Variants in QKI observed in about 807,000 individuals in gnomAD.
QKI encodes QKI, KH domain containing RNA binding, also known as KH domain-containing RNA-binding protein QKI.
Under a neutral mutation model 39.0 loss-of-function variants are expected in QKI, and 10 were observed. The observed-to-expected ratio is 0.26, with a 90% CI of 0.16 to 0.43. The LOEUF (loss-of-function observed/expected upper bound fraction) is 0.43. QKI is among the 20% of genes least tolerant of loss of function. The pLI is 1.00. For synonymous variants in QKI, 204 were observed against 155.4 expected, an observed-to-expected ratio of 1.31 and a Z score of -2.33; for missense variants, 218 against 428.0, an observed-to-expected ratio of 0.51 and a Z score of 4.33.
chr6:163,478,796 GA>G lies in QKI; in HGVS notation c.304del (p.Ile102SerfsTer28). On this transcript the variant is annotated frameshift_variant, in exon 3 of 8. Coordinates refer to ENST00000361752, the MANE Select transcript of QKI (RefSeq NM_006775.3). LOFTEE classifies it high-confidence loss of function. ...KEYPDFNFVG[R>X]ILGPRGLTAK... ...TTTTCTCAGTTTAATTTTGTTGGGA[GA>G]ATCCTTGGACCTAGAGGACTTACAG... is the stretch of plus-strand genomic sequence containing the variant. 1 of 1,600,864 alleles carries G rather than the reference GA, an allele frequency of 6.2e-7. No individual in the cohort carries two copies.
At chr6:163,538,485 C>T (rs1395528978) in intron 4 of QKI, among the ~76,000 whole-genome samples, 7 of 151,980 alleles carry the variant, frequency 4.6e-5, no homozygotes, top group African/African-American at 7.3e-5. Flanking sequence ...CTTAATGAGC[C>T]GGCTGAAGAG....
rs1787317868 is a variant in QKI, at chr6:163,415,095, G to A, written c.-99G>A. On this transcript the variant is annotated 5_prime_UTR_variant, in exon 1 of 8. Coordinates refer to ENST00000361752, the MANE Select transcript of QKI (RefSeq NM_006775.3). ...GAGCCGGCGCGGAGCGGGACGCCGG[G>A]TCCCGAGCGGCCCGCGGCCGGGGCT... The A allele has an allele frequency of 7.9e-6, 8 of 1,015,534 alleles. No homozygotes were observed. The highest frequency in any genetic ancestry group is 8.3e-6 in the Non-Finnish European group (7 of 847,082). The allele number at this position is 1,015,534 out of a possible 1,614,324, so 62.9% of individuals were successfully genotyped here.
In QKI at chr6:163,578,277, T is replaced by C. The variant is rs1777694783; in HGVS notation, c.*7567T>C. On this transcript the variant is annotated 3_prime_UTR_variant, in exon 8 of 8. Coordinates refer to ENST00000361752, the MANE Select transcript of QKI (RefSeq NM_006775.3). Reference sequence around the variant, plus strand: ...TGAAGAGCAAAAGGAGAAGAAAATATTTGCAAGTGAATCCACAATTCTTGC... The same window carrying C: ...TGAAGAGCAAAAGGAGAAGAAAATACTTGCAAGTGAATCCACAATTCTTGC... The C allele has an allele frequency of 1.3e-5, 2 of 152,172 alleles. No individual in the cohort carries two copies. Among genetic ancestry groups the C allele is most frequent in the South Asian group, 2.1e-4 (1 of 4,824 alleles). 9.4% of individuals were successfully genotyped at this position (152,172 alleles called of 1,614,324 possible).
intron 1 of QKI, among the ~76,000 whole-genome samples, chr6:163,443,527 A>G (rs897030580): frequency 6.6e-6 from 1 of 152,246 alleles, no homozygotes; most frequent in Non-Finnish European, 1.5e-5. Flanking sequence ...AGATTGCGCC[A>G]CTACATTCCA....
intron 3 of QKI, among the ~76,000 whole-genome samples, chr6:163,534,063 A>G (rs1188027392): frequency 1.3e-5 from 2 of 152,176 alleles, no homozygotes; most frequent in African/African-American, 2.4e-5. Context: ...TGCCAGGTGC[A>G]TTTATATTTA....
chr6:163,526,311 T>C (rs1309712007), intron 3 of QKI, among the ~76,000 whole-genome samples: 1 of 152,218 alleles, frequency 6.6e-6, no homozygotes, highest in African/African-American at 2.4e-5. Flanking sequence ...TCAGTAAATA[T>C]TCAATTGAGT....
chr6:163,415,786 C>G (rs2128205463), intron 1 of QKI: 1 of 409,758 alleles, frequency 2.4e-6, no homozygotes. Context: ...CCCGAGCCTG[C>G]TCTGCGCGGA....
intron 2 of QKI, among the ~76,000 whole-genome samples, chr6:163,456,061 CTT>C (rs1790885708): frequency 6.6e-6 from 1 of 152,162 alleles, no homozygotes; most frequent in African/African-American, 2.4e-5. Flanking sequence ...CATTGACCCT[CTT>C]TTGGCTTTTA....
chr6:163,450,827 A>G (rs1420937544), intron 1 of QKI, among the ~76,000 whole-genome samples: 2 of 152,190 alleles, frequency 1.3e-5, no homozygotes, highest in Admixed American at 6.5e-5. Flanking sequence ...TGAAAAATGT[A>G]TATGCTAAAT....
chr6:163,560,368 C>G (rs934971506), intron 4 of QKI, among the ~76,000 whole-genome samples: 4 of 152,090 alleles, frequency 2.6e-5, no homozygotes, highest in Non-Finnish European at 5.9e-5. Context: ...ATTTGAGGAC[C>G]TGCTGTCTGT....
rs190159147 is a variant in QKI, at chr6:163,545,797, A to T, written c.546+10672A>T. ...TTTAGGCGTTGCAAATGTAAAAAAAAGGGACCCTGGGCATAGAATAATAGG... is the reference window on the plus strand; with the variant it reads ...TTTAGGCGTTGCAAATGTAAAAAAATGGGACCCTGGGCATAGAATAATAGG... On this transcript the variant is annotated intron_variant, in intron 4 of 7. Transcript: ENST00000361752. Among the ~76,000 whole-genome samples the T allele has an allele frequency of 2.8e-3, 419 of 152,058 alleles. 1 individual carries two copies. The highest frequency in any genetic ancestry group is 4.1e-3 in the Non-Finnish European group (280 of 67,938).
At chr6:163,530,176 C>T (rs989736043) in intron 3 of QKI, among the ~76,000 whole-genome samples, 1 of 152,100 alleles carries the variant, frequency 6.6e-6, no homozygotes, top group African/African-American at 2.4e-5. Flanking sequence ...CAGCTATTAA[C>T]CCCTGAAAGA....
rs1399243174 is a variant in QKI at position 163,535,277 on chromosome 6, A to G, written c.546+152A>G. ...AAAACACCTGACTGATACTTCTAAC[A>G]TAATAAAAACATAAAGTTCGTATTT... On this transcript the variant is annotated intron_variant, in intron 4 of 7. Transcript: ENST00000361752. The G allele has an allele frequency of 2.0e-5, 16 of 797,562 alleles. No individual in the cohort carries two copies. The East Asian group carries it at 2.5e-4, about 12-fold the overall frequency. 49.4% of individuals were successfully genotyped at this position (797,562 alleles called of 1,614,324 possible).
At chr6:163,456,425 C>T (rs1790918042) in intron 2 of QKI, among the ~76,000 whole-genome samples, 1 of 151,932 alleles carries the variant, frequency 6.6e-6, no homozygotes, top group South Asian at 2.1e-4. Context: ...GTTGAATGAA[C>T]CAAGAAAAGA....
intron 1 of QKI, among the ~76,000 whole-genome samples, chr6:163,435,770 A>C (rs1789221117): frequency 6.6e-6 from 1 of 152,174 alleles, no homozygotes; most frequent in Admixed American, 6.5e-5. Flanking sequence ...TGCAATCTTA[A>C]AGGATATAGA....
chr6:163,555,989 C>T (rs952659538), intron 4 of QKI, among the ~76,000 whole-genome samples: 1 of 152,112 alleles, frequency 6.6e-6, no homozygotes, highest in Non-Finnish European at 1.5e-5. Flanking sequence ...GACTTTGAAT[C>T]AGGTATTCTG....
intron 3 of QKI, among the ~76,000 whole-genome samples, chr6:163,520,558 G>A (rs1483193319): frequency 1.3e-5 from 2 of 152,076 alleles, no homozygotes; most frequent in African/African-American, 4.8e-5. Flanking sequence ...ATTGTCCTAA[G>A]AATTATCCTA....
chr6:163,440,953 T>G (rs970088950), intron 1 of QKI, among the ~76,000 whole-genome samples: 4 of 152,128 alleles, frequency 2.6e-5, no homozygotes, highest in African/African-American at 9.7e-5. Flanking sequence ...ATTAAAAAGC[T>G]TTTATTTTAT....
At chr6:163,432,414 A>G (rs1034143314) in intron 1 of QKI, among the ~76,000 whole-genome samples, 1 of 149,722 alleles carries the variant, frequency 6.7e-6, no homozygotes, top group African/African-American at 2.5e-5. Flanking sequence ...TTTTTTTTAA[A>G]GAGATGGGGT....
Sources: allele counts gnomAD v4.1 joint callset (sites outside exome capture counted in the v4.1 genomes callset), GRCh38; gene constraint gnomAD v4.1.1; transcripts MANE v1.5; gene names NCBI Gene and HGNC (gene_info 2026-07-23, HGNC 2026-07-21).